RASSF8: variants seen among roughly 807,000 people sequenced by gnomAD.
RASSF8 encodes the protein ras association domain-containing protein 8.
A neutral mutation model predicts 48.5 loss-of-function variants in RASSF8; 22 were observed. The observed-to-expected ratio is 0.45, with a 90% CI of 0.32 to 0.65. RASSF8 has a LOEUF of 0.65. RASSF8 is among the 30% of genes least tolerant of loss of function. The pLI is 0.03. For missense variants in RASSF8, 418 were observed against 489.2 expected (o/e 0.85, Z 1.37); for synonymous variants, 127 against 171.5 (o/e 0.74, Z 2.03).
intron 2 of RASSF8, among the ~76,000 whole-genome samples, chr12:26,016,174 A>T (rs1942644011): frequency 2.0e-5 from 3 of 150,288 alleles, no homozygotes; most frequent in Middle Eastern, 3.2e-3. Flanking sequence ...TTAAACTTTT[A>T]AAAATCTGGA....
intron 2 of RASSF8, among the ~76,000 whole-genome samples, chr12:26,040,303 A>G (rs192365743): frequency 2.2e-4 from 33 of 152,314 alleles, no homozygotes; most frequent in African/African-American, 7.9e-4. Flanking sequence ...TCATTCCCTT[A>G]TCATTCTGCC....
At chr12:26,045,114 G>T (rs1943345011) in intron 2 of RASSF8, among the ~76,000 whole-genome samples, 1 of 152,130 alleles carries the variant, frequency 6.6e-6, no homozygotes, top group Admixed American at 6.6e-5. Context: ...AACCCTTAGA[G>T]ATTAGGAAAA....
rs555176570 is a variant in RASSF8, at chr12:25,986,241, C to A, written c.-202-8796C>A. ...ATTAATTAGATCTTCTTCCTCCAGG[C>A]TCCTGCACTTCACAGGGCTATAGAA... On this transcript the variant is annotated intron_variant, in intron 1 of 5. Transcript: ENST00000689635. Among the ~76,000 whole-genome samples the A allele has an allele frequency of 2.7e-3, 414 of 152,258 alleles. 1 individual carries two copies. Among genetic ancestry groups the A allele is most frequent in the African/African-American group, 9.6e-3 (401 of 41,556 alleles).
chr12:26,035,120 C>T (rs1310489943), intron 2 of RASSF8, among the ~76,000 whole-genome samples: 3 of 152,016 alleles, frequency 2.0e-5, no homozygotes, highest in Non-Finnish European at 2.9e-5. Context: ...TAATGAACTT[C>T]TCTTCTAGGC....
At chr12:26,026,262 C>T (rs969731015) in intron 2 of RASSF8, among the ~76,000 whole-genome samples, 5 of 151,974 alleles carry the variant, frequency 3.3e-5, no homozygotes, top group African/African-American at 7.3e-5. Flanking sequence ...AGAACTTCAT[C>T]GTAAAAAAGA....
At position 26,064,802 on chromosome 12, in the gene RASSF8, C is replaced by T. The variant is rs779634857; in HGVS notation, c.408C>T (p.Ala136=). 1.2e-5 allele frequency: 20 copies of T among 1,614,024 alleles called. No homozygotes were observed. Among genetic ancestry groups the T allele is most frequent in the Non-Finnish European group, 1.6e-5 (19 of 1,179,998 alleles). The change falls in exon 4 of 6, where the codon GCC becomes GCT. Residue 136 remains alanine, a synonymous_variant. Coordinates refer to ENST00000689635, the MANE Select transcript of RASSF8 (RefSeq NM_001394098.1). ...AATCACTGACATTTACAGGAGGTGC[C>T]AAAGGATTAATGGACATTTTTGGAA... ...KRKSLTFTGG[A]KGLMDIFGKG...
intron 1 of RASSF8, among the ~76,000 whole-genome samples, chr12:25,982,108 T>C (rs1325246104): frequency 6.6e-6 from 1 of 152,310 alleles, no homozygotes; most frequent in East Asian, 1.9e-4. Flanking sequence ...AAGTGATTTA[T>C]ATGCTGAATG....
At chr12:26,019,403 G>T (rs188829147) in intron 2 of RASSF8, among the ~76,000 whole-genome samples, 55 of 152,146 alleles carry the variant, frequency 3.6e-4, no homozygotes, top group Admixed American at 3.0e-3. Flanking sequence ...CCATCTGCAC[G>T]CATGAAATTA....
At chr12:26,044,407 T>C (rs1321979634) in intron 2 of RASSF8, among the ~76,000 whole-genome samples, 2 of 152,208 alleles carry the variant, frequency 1.3e-5, no homozygotes, top group African/African-American at 4.8e-5. Flanking sequence ...TAGCAAAAAC[T>C]AGGGTTTTTC....
intron 2 of RASSF8, among the ~76,000 whole-genome samples, chr12:26,002,200 A>G (rs535716841): frequency 8.5e-5 from 13 of 152,338 alleles, no homozygotes; most frequent in Admixed American, 8.5e-4. Context: ...TGGGAGGCCA[A>G]GGCGGGTGGA....
chr12:25,978,738 C>T (rs977765242), intron 1 of RASSF8, among the ~76,000 whole-genome samples: 1 of 151,248 alleles, frequency 6.6e-6, no homozygotes, highest in Non-Finnish European at 1.5e-5. Context: ...ATAGGCTGGT[C>T]ATTCTGGTGG....
chr12:26,074,985 A>G (rs1039590567), downstream of RASSF8, among the ~76,000 whole-genome samples: 12 of 152,176 alleles, frequency 7.9e-5, no homozygotes, highest in African/African-American at 2.9e-4. Context: ...GATAATTCTG[A>G]CTGGATATGT....
intron 2 of RASSF8, among the ~76,000 whole-genome samples, chr12:26,008,012 G>A (rs1234186316): frequency 3.3e-5 from 5 of 152,142 alleles, no homozygotes; most frequent in East Asian, 1.9e-4. Flanking sequence ...GGTGGCTCAC[G>A]CCTGTAATCC....
intron 1 of RASSF8, among the ~76,000 whole-genome samples, chr12:25,960,986 C>G (rs1049699311): frequency 1.3e-5 from 2 of 152,154 alleles, no homozygotes; most frequent in Admixed American, 1.3e-4. Flanking sequence ...ATTTAAAATT[C>G]GACATGGTTG....
At chr12:25,986,588 C>T (rs1223567230) in intron 1 of RASSF8, among the ~76,000 whole-genome samples, 1 of 152,158 alleles carries the variant, frequency 6.6e-6, no homozygotes, top group Non-Finnish European at 1.5e-5. Flanking sequence ...TTTCAAGCCC[C>T]ACAAGAGCAG....
At position 26,027,494 on chromosome 12, in the gene RASSF8, G is replaced by A. The variant is rs1229766546; in HGVS notation, c.-108-27742G>A. On this transcript the variant is annotated intron_variant, in intron 2 of 5. Coordinates refer to ENST00000689635, the MANE Select transcript of RASSF8 (RefSeq NM_001394098.1). ...CCTGACTATAAAAATATTGGCAGAT[G>A]AATGGGTATTTATCTGGTTAAAGTT... Among the ~76,000 whole-genome samples the A allele has an allele frequency of 6.6e-5, 10 of 152,208 alleles. No individual in the cohort carries two copies. In the East Asian group the frequency reaches 1.3e-3, roughly 20 times the overall value.
At chr12:26,030,774 C>T (rs1329587663) in intron 2 of RASSF8, among the ~76,000 whole-genome samples, 4 of 152,030 alleles carry the variant, frequency 2.6e-5, no homozygotes, top group South Asian at 4.1e-4. Flanking sequence ...AAAGTATTTC[C>T]TCACCCATAC....
At chr12:26,062,380 T>C (rs1040209227) in intron 3 of RASSF8, among the ~76,000 whole-genome samples, 1 of 152,250 alleles carries the variant, frequency 6.6e-6, no homozygotes, top group Non-Finnish European at 1.5e-5. Flanking sequence ...TCCCCCTTAT[T>C]AGCCTGGGCA....
At chr12:26,009,520 A>G (rs1002589800) in intron 2 of RASSF8, among the ~76,000 whole-genome samples, 7 of 152,172 alleles carry the variant, frequency 4.6e-5, no homozygotes, top group African/African-American at 1.7e-4. Flanking sequence ...CCACGTTGGT[A>G]TTTCCAAGTC....
Sources: allele counts gnomAD v4.1 joint callset (sites outside exome capture counted in the v4.1 genomes callset), GRCh38; gene constraint gnomAD v4.1.1; transcripts MANE v1.5; gene names NCBI Gene and HGNC (gene_info 2026-07-23, HGNC 2026-07-21).